LIMCH1: variants seen among roughly 807,000 people sequenced by gnomAD.
The protein encoded by LIMCH1 is LIM and calponin homology domains-containing protein 1.
LIMCH1 carries 113 observed loss-of-function variants against 176.5 expected under a neutral mutation model. That is an observed-to-expected ratio of 0.64 (90% confidence interval 0.55 to 0.75). The LOEUF (loss-of-function observed/expected upper bound fraction) is 0.75. Ranked by LOEUF, LIMCH1 falls within the 30% of genes least tolerant of loss-of-function variation. LIMCH1 has a pLI of 0.00. For missense variants in LIMCH1, 1,674 were observed against 1,814.9 expected, an observed-to-expected ratio of 0.92 and a Z score of 1.41; for synonymous variants, 619 against 645.9, an observed-to-expected ratio of 0.96 and a Z score of 0.63.
intron 1 of LIMCH1, among the ~76,000 whole-genome samples, chr4:41,394,554 T>C (rs1047760769): frequency 6.6e-6 from 1 of 152,150 alleles, no homozygotes; most frequent in African/African-American, 2.4e-5. Context: ...CTGAGATTGG[T>C]AGTGGGAAGG....
At chr4:41,547,863 G>GTGTATATATATA (rs774873739) in intron 1 of LIMCH1, among the ~76,000 whole-genome samples, 148 of 93,192 alleles carry the variant, frequency 1.6e-3, no homozygotes, top group African/African-American at 5.1e-3. Context: ...TTGTGTGTGT[G>GTGTATATATATA]TATATATATA....
chr4:41,365,983 C>T (rs947432404), intron 1 of LIMCH1, among the ~76,000 whole-genome samples: 3 of 152,188 alleles, frequency 2.0e-5, no homozygotes, highest in Non-Finnish European at 1.5e-5. Flanking sequence ...CAGCTCTCTG[C>T]TGATGGATGA....
chr4:41,694,745 C>T (rs1442716218), intron 31 of LIMCH1, among the ~76,000 whole-genome samples: 1 of 151,632 alleles, frequency 6.6e-6, no homozygotes, highest in Non-Finnish European at 1.5e-5. Flanking sequence ...CAGAGCATCT[C>T]CATAGGATAG....
chr4:41,423,315 G>T (rs2060787690), intron 1 of LIMCH1, among the ~76,000 whole-genome samples: 1 of 152,216 alleles, frequency 6.6e-6, no homozygotes, highest in Admixed American at 6.5e-5. Flanking sequence ...CAAATGGAAA[G>T]ATTTGAATTT....
At chr4:41,426,828 G>A (rs184885776) in intron 1 of LIMCH1, among the ~76,000 whole-genome samples, 39 of 152,200 alleles carry the variant, frequency 2.6e-4, no homozygotes, top group African/African-American at 8.7e-4. Context: ...AGTTGACGTG[G>A]GTTTTCCTTT....
intron 3 of LIMCH1, among the ~76,000 whole-genome samples, chr4:41,531,474 T>A (rs1336637363): frequency 2.4e-5 from 3 of 126,986 alleles, no homozygotes; most frequent in African/African-American, 6.7e-5. Context: ...TCTTTCTCTG[T>A]CACACACACA....
At chr4:41,603,775 T>G in intron 2 of LIMCH1, 100 bp from the exon 3 acceptor site, 1 of 774,060 alleles carries the variant, frequency 1.3e-6, no homozygotes, top group South Asian at 1.8e-5. Context: ...GATTTCATTA[T>G]ATATGTTAGC....
intron 1 of LIMCH1, among the ~76,000 whole-genome samples, chr4:41,489,025 A>T (rs1183603955): frequency 1.3e-5 from 2 of 152,026 alleles, no homozygotes; most frequent in Non-Finnish European, 2.9e-5. Flanking sequence ...GTGTCAAGGG[A>T]TTTATCAAGT....
At chr4:41,460,585 C>G (rs907278953) in intron 1 of LIMCH1, among the ~76,000 whole-genome samples, 9 of 151,134 alleles carry the variant, frequency 6.0e-5, no homozygotes, top group Admixed American at 2.6e-4. Context: ...ACGATTGATT[C>G]TCAGTGCTTT....
intron 1 of LIMCH1, among the ~76,000 whole-genome samples, chr4:41,562,554 A>C (rs73146341): frequency 0.073 from 11,141 of 152,284 alleles, 1,336 homozygotes; most frequent in African/African-American, 0.25. Flanking sequence ...GTCCCAAAAT[A>C]AATTAATTTA....
chr4:41,501,300 G>A (rs920020486), intron 2 of LIMCH1, among the ~76,000 whole-genome samples: 3 of 152,208 alleles, frequency 2.0e-5, no homozygotes, highest in African/African-American at 7.2e-5. Flanking sequence ...CTGATCTGAA[G>A]CATTCACTGC....
intron 30 of LIMCH1, chr4:41,689,847 T>C (rs1724011584): frequency 2.3e-6 from 1 of 430,224 alleles, no homozygotes; most frequent in African/African-American, 2.0e-5. Flanking sequence ...TTGTGCAATT[T>C]GTCCTTACAA....
intron 1 of LIMCH1, among the ~76,000 whole-genome samples, chr4:41,404,833 A>G (rs1357986378): frequency 6.6e-6 from 1 of 152,126 alleles, no homozygotes; most frequent in African/African-American, 2.4e-5. Flanking sequence ...GCAAGGACCC[A>G]ATATGTGATT....
intron 1 of LIMCH1, among the ~76,000 whole-genome samples, chr4:41,592,647 G>A (rs149657198): frequency 4.6e-5 from 7 of 152,196 alleles, no homozygotes; most frequent in South Asian, 4.2e-4. Flanking sequence ...GGTGCCAGAC[G>A]CTGAGCTGTG....
intron 1 of LIMCH1, among the ~76,000 whole-genome samples, chr4:41,493,229 G>A (rs1259399228): frequency 6.6e-6 from 1 of 151,830 alleles, no homozygotes; most frequent in East Asian, 1.9e-4. Context: ...ATAATATATT[G>A]TTTTTCTATT....
At chr4:41,622,664 T>C (rs1031595860) in intron 7 of LIMCH1, among the ~76,000 whole-genome samples, 7 of 152,322 alleles carry the variant, frequency 4.6e-5, no homozygotes, top group Admixed American at 1.3e-4. Context: ...CTTTGAACTC[T>C]TTTATGACAA....
At chr4:41,388,873 C>T (rs535326352) in intron 1 of LIMCH1, among the ~76,000 whole-genome samples, 60 of 152,282 alleles carry the variant, frequency 3.9e-4, no homozygotes, top group East Asian at 1.2e-3. Context: ...GAACTCCAGA[C>T]CTCAGGTGAT....
chr4:41,464,795 G>C (rs2065891353), intron 1 of LIMCH1, among the ~76,000 whole-genome samples: 1 of 152,186 alleles, frequency 6.6e-6, no homozygotes, highest in Admixed American at 6.5e-5. Flanking sequence ...TTTAACGACT[G>C]TCTTCTCCCC....
chr4:41,420,309 G>A (rs1292865200), intron 1 of LIMCH1, among the ~76,000 whole-genome samples: 2 of 152,248 alleles, frequency 1.3e-5, no homozygotes, highest in East Asian at 3.9e-4. Flanking sequence ...AATTATAATA[G>A]TAGAACTTAA....
Sources: gnomAD v4.1 joint callset for allele counts (sites outside exome capture counted in the v4.1 genomes callset) on GRCh38, gnomAD v4.1.1 for gene constraint, MANE v1.5 for transcripts, NCBI Gene and HGNC (gene_info 2026-07-23, HGNC 2026-07-21) for gene names.